PDE4D: variants seen among roughly 807,000 people sequenced by gnomAD.
The protein encoded by PDE4D is phosphodiesterase 4D.
A neutral mutation model predicts 87.4 loss-of-function variants in PDE4D; 24 were observed. The ratio of observed to expected loss-of-function variants is 0.27; its 90% CI spans 0.20 to 0.39. The LOEUF (loss-of-function observed/expected upper bound fraction) is 0.39, where lower values mean the gene tolerates loss of function less well. PDE4D is among the 10% of genes least tolerant of loss of function. The probability of loss-of-function intolerance (pLI) is 1.00; values close to 1 mark genes in which losing one functional copy is unlikely to be tolerated. For missense variants in PDE4D, 714 were observed against 1,041.0 expected (o/e 0.69, Z 4.32); for synonymous variants, 384 against 383.2 (o/e 1.00, Z -0.02).
Position 58,989,882 on chromosome 5 carries a change from T to A in PDE4D, c.1325A>T (p.Asp442Val), listed in dbSNP as rs1357216727. Residue 442 changes from aspartate (D) to valine (V), a missense_variant, in exon 10 of 15, where the codon GAT becomes GTT. By Grantham distance (152) the Asp-to-Val change is radical. Transcript: ENST00000340635. ...AGTCATAAGATATGTAATTAAAGTA[T>A]CTACTGGAATTTTAAATGTTTTTAA... The part of the protein sequence containing the change: ...DLLKTFKIPV[D>V]TLITYLMTLE... The A allele has an allele frequency of 6.5e-7, 1 of 1,545,132 alleles. No individual in the cohort carries two copies. Among genetic ancestry groups the A allele is most frequent in the Non-Finnish European group, 8.9e-7 (1 of 1,122,270 alleles).
intron 2 of PDE4D, among the ~76,000 whole-genome samples, chr5:60,137,399 T>C (rs1455333724): frequency 1.3e-5 from 2 of 152,328 alleles, no homozygotes; most frequent in Non-Finnish European, 1.5e-5. Flanking sequence ...ATAGTTGAAC[T>C]AATTTACACT....
At chr5:60,028,128 A>G (rs538673456) in intron 2 of PDE4D, among the ~76,000 whole-genome samples, 1 of 152,086 alleles carries the variant, frequency 6.6e-6, no homozygotes, top group Non-Finnish European at 1.5e-5. Flanking sequence ...GCCCAAATAC[A>G]TCACTATTTC....
chr5:59,935,978 A>G (rs1263152804), intron 3 of PDE4D, among the ~76,000 whole-genome samples: 5 of 152,344 alleles, frequency 3.3e-5, no homozygotes, highest in African/African-American at 4.8e-5. Context: ...ACCCAGTAAC[A>G]GAATGGCTGG....
At chr5:59,631,869 T>G (rs916793332) in intron 1 of PDE4D, among the ~76,000 whole-genome samples, 2 of 151,822 alleles carry the variant, frequency 1.3e-5, no homozygotes, top group Non-Finnish European at 2.9e-5. Context: ...CATAACCCAA[T>G]GGCACCTGGA....
intron 1 of PDE4D, among the ~76,000 whole-genome samples, chr5:59,508,165 A>G (rs1374109721): frequency 6.6e-6 from 1 of 152,026 alleles, no homozygotes; most frequent in African/African-American, 2.4e-5. Flanking sequence ...TTCCAGGGCA[A>G]GAATCTAAAC....
intron 1 of PDE4D, among the ~76,000 whole-genome samples, chr5:60,481,974 G>C (rs1014193106): frequency 6.6e-6 from 1 of 152,052 alleles, no homozygotes; most frequent in African/African-American, 2.4e-5. Context: ...AGAACAGTAA[G>C]GAAAGAAAAG....
intron 3 of PDE4D, among the ~76,000 whole-genome samples, chr5:59,976,580 C>A (rs919803142): frequency 3.7e-4 from 57 of 152,202 alleles, no homozygotes; most frequent in African/African-American, 1.3e-3. Flanking sequence ...TGCCCAGACA[C>A]CCTGCTAAAC....
chr5:59,895,625 A>G (rs1295450176), upstream of PDE4D, among the ~76,000 whole-genome samples: 1 of 152,260 alleles, frequency 6.6e-6, no homozygotes, highest in Non-Finnish European at 1.5e-5. Flanking sequence ...TCTGCAGTAT[A>G]GACTGCCTTT....
intron 1 of PDE4D, chr5:59,275,565 A>T: frequency 7.1e-7 from 1 of 1,416,086 alleles, no homozygotes; most frequent in South Asian, 1.6e-5. Context: ...GGTCCAGCTC[A>T]TGGGCAAGGT....
At chr5:59,086,166 A>G (rs1767641972) in intron 5 of PDE4D, among the ~76,000 whole-genome samples, 1 of 152,170 alleles carries the variant, frequency 6.6e-6, no homozygotes, top group Non-Finnish European at 1.5e-5. Context: ...CTGAGATTTG[A>G]ACCTAAGGAG....
chr5:59,722,107 T>C (rs1755918107), intron 1 of PDE4D, among the ~76,000 whole-genome samples: 1 of 152,156 alleles, frequency 6.6e-6, no homozygotes, highest in Non-Finnish European at 1.5e-5. Context: ...ATTAAAAAGG[T>C]TTGAATATTC....
intron 1 of PDE4D, among the ~76,000 whole-genome samples, chr5:59,490,866 T>A (rs917501059): frequency 6.6e-6 from 1 of 152,226 alleles, no homozygotes; most frequent in African/African-American, 2.4e-5. Context: ...CTAGGCAATG[T>A]ATCTCTATCC....
intron 1 of PDE4D, among the ~76,000 whole-genome samples, chr5:59,629,090 A>T (rs951126409): frequency 6.6e-6 from 1 of 152,166 alleles, no homozygotes; most frequent in Non-Finnish European, 1.5e-5. Flanking sequence ...ATTACCTCCC[A>T]CTTGGTCCCT....
At chr5:60,315,738 T>C in intron 1 of PDE4D, among the ~76,000 whole-genome samples, 1 of 152,200 alleles carries the variant, frequency 6.6e-6, no homozygotes, top group Non-Finnish European at 1.5e-5. Context: ...ATTTATTAAA[T>C]AGGGAATCCT....
chr5:60,145,472 T>A (rs1174584688), intron 2 of PDE4D, among the ~76,000 whole-genome samples: 1 of 152,234 alleles, frequency 6.6e-6, no homozygotes, highest in Non-Finnish European at 1.5e-5. Context: ...ATTGCTTTCA[T>A]TGCAACCCAT....
chr5:59,840,071 C>T (rs1411400028), intron 1 of PDE4D, among the ~76,000 whole-genome samples: 1 of 151,682 alleles, frequency 6.6e-6, no homozygotes, highest in African/African-American at 2.4e-5. Flanking sequence ...TCTTTTTTTT[C>T]CTGGCTCAGG....
chr5:59,988,663 T>A, exon 3 of PDE4D: 1 of 1,599,318 alleles, frequency 6.3e-7, no homozygotes, highest in Non-Finnish European at 8.5e-7. Context: ...TAGGGTTCCA[T>A]TCCGCGGAAA....
At chr5:59,723,154 G>C (rs1181790965) in intron 1 of PDE4D, among the ~76,000 whole-genome samples, 3 of 151,988 alleles carry the variant, frequency 2.0e-5, no homozygotes, top group African/African-American at 7.2e-5. Flanking sequence ...CAGGAAAAGA[G>C]AATCTGCATA....
chr5:59,360,178 T>A (rs918310737), intron 1 of PDE4D, among the ~76,000 whole-genome samples: 2 of 152,146 alleles, frequency 1.3e-5, no homozygotes, highest in African/African-American at 4.8e-5. Flanking sequence ...AATTTGAGAG[T>A]GGGATAAGTT....
Sources: allele counts gnomAD v4.1 joint callset (sites outside exome capture counted in the v4.1 genomes callset), GRCh38; gene constraint gnomAD v4.1.1; transcripts MANE v1.5; gene names NCBI Gene and HGNC (gene_info 2026-07-23, HGNC 2026-07-21).